The following GFOD1 variants were observed in gnomAD, a reference collection of about 807,000 sequenced individuals.
GFOD1 encodes Gfo/Idh/MocA-like oxidoreductase domain containing 1.
GFOD1 carries 9 observed loss-of-function variants against 25.4 expected under a neutral mutation model. The ratio of observed to expected loss-of-function variants is 0.35; its 90% confidence interval spans 0.21 to 0.62. GFOD1 has a LOEUF of 0.62. GFOD1 is among the 20% of genes least tolerant of loss of function. GFOD1 has a pLI of 0.72. For synonymous variants in GFOD1, 253 were observed against 245.6 expected (o/e 1.03, Z -0.28); for missense variants, 403 against 556.9 (o/e 0.72, Z 2.78).
chr6:13,402,826 G>T (rs1270531500), intron 1 of GFOD1, among the ~76,000 whole-genome samples: 1 of 152,050 alleles, frequency 6.6e-6, no homozygotes, highest in Non-Finnish European at 1.5e-5. Context: ...TCCAATCCTA[G>T]GTATATAGCC....
At position 13,469,345 on chromosome 6, in the gene GFOD1, A is replaced by G. The variant is rs908773857; in HGVS notation, c.253+17293T>C. ...ATAAGTTATAATCAACAGAGAAGTG[A>G]AGATCATGAAATAACATTTTCTCAA... On this transcript the variant is annotated intron_variant, in intron 1 of 1. Coordinates refer to ENST00000379287, the MANE Select transcript of GFOD1 (RefSeq NM_018988.4). The G allele has an allele frequency of 7.1e-6, 7 of 985,096 alleles. No homozygotes were observed. In the African/African-American group the frequency reaches 1.2e-4, roughly 17 times the overall value. 61.0% of individuals were successfully genotyped at this position (985,096 alleles called of 1,614,324 possible). A position where few individuals can be genotyped will look rare whatever the true frequency, so the allele number is the denominator to read the frequency against.
intron 1 of GFOD1, among the ~76,000 whole-genome samples, chr6:13,403,734 C>G (rs1479637758): frequency 2.0e-5 from 3 of 152,144 alleles, no homozygotes; most frequent in Non-Finnish European, 2.9e-5. Context: ...ATGGATGAAC[C>G]TTGAAAATAT....
intron 1 of GFOD1, among the ~76,000 whole-genome samples, chr6:13,447,144 A>G (rs1003782585): frequency 5.9e-5 from 9 of 152,230 alleles, no homozygotes; most frequent in Admixed American, 2.6e-4. Context: ...CTCAATAAAC[A>G]GAGTTATTGT....
chr6:13,444,833 C>G (rs9474212), intron 1 of GFOD1, among the ~76,000 whole-genome samples: 1 of 151,960 alleles, frequency 6.6e-6, no homozygotes, highest in Non-Finnish European at 1.5e-5. Context: ...GGCCTGGAAC[C>G]GCACCCACAA....
chr6:13,376,294 T>C (rs1019172860), intron 1 of GFOD1, among the ~76,000 whole-genome samples: 1 of 152,044 alleles, frequency 6.6e-6, no homozygotes, highest in East Asian at 1.9e-4. Context: ...CAGAGGAAAA[T>C]GGCCAGGACT....
chr6:13,476,454 G>A (rs1175275232), intron 1 of GFOD1, among the ~76,000 whole-genome samples: 6 of 152,206 alleles, frequency 3.9e-5, no homozygotes. Context: ...AGTGAGGATT[G>A]ACTGCAAATT....
chr6:13,470,881 T>A (rs138015016), intron 1 of GFOD1, among the ~76,000 whole-genome samples: 1 of 152,302 alleles, frequency 6.6e-6, no homozygotes, highest in East Asian at 1.9e-4. Context: ...CCCCACAAGC[T>A]GGAACTTAGC....
chr6:13,464,113 C>G, intron 1 of GFOD1, among the ~76,000 whole-genome samples: 1 of 152,202 alleles, frequency 6.6e-6, no homozygotes, highest in Middle Eastern at 3.2e-3. Flanking sequence ...CTCATTTTCC[C>G]CTTTCCCAAA....
chr6:13,372,610 G>A (rs1785173932), intron 1 of GFOD1, among the ~76,000 whole-genome samples: 1 of 152,126 alleles, frequency 6.6e-6, no homozygotes. Flanking sequence ...CACACCTCTA[G>A]GGAAAGATGG....
At position 13,372,339 on chromosome 6, in the gene GFOD1, T is replaced by C. The variant is rs189904361; in HGVS notation, c.254-6677A>G. Among the ~76,000 whole-genome samples, 193 of 152,258 alleles carry C rather than the reference T, an allele frequency of 1.3e-3. 1 individual carries two copies. The highest frequency in any genetic ancestry group is 4.4e-3 in the African/African-American group (184 of 41,544). ...ATGGGGAAATGGAAAATCAGCTCCC[T>C]CCGAAGCCTGCTGAATGTGTTCTCT... On this transcript the variant is annotated intron_variant, in intron 1 of 1. Transcript: ENST00000379287.
chr6:13,444,151 A>C (rs758742392), intron 1 of GFOD1, among the ~76,000 whole-genome samples: 8 of 152,234 alleles, frequency 5.3e-5, no homozygotes, highest in Non-Finnish European at 1.2e-4. Flanking sequence ...AATGGGGTAC[A>C]TAAACACCAT....
At chr6:13,390,780 A>AGGAAGGAAGGAAGGAAGGAAGGAAGG (rs1491481409) in intron 1 of GFOD1, among the ~76,000 whole-genome samples, 3 of 117,904 alleles carry the variant, frequency 2.5e-5, no homozygotes, top group Admixed American at 8.9e-5. Context: ...AGAGAGAGAG[A>AGGAAGGAAGGAAGGAAGGAAGGAAGG]AAGGAAGGAA....
At chr6:13,485,731 G>GC (rs1758849674) in intron 1 of GFOD1, among the ~76,000 whole-genome samples, 1 of 152,174 alleles carries the variant, frequency 6.6e-6, no homozygotes, top group Non-Finnish European at 1.5e-5. Flanking sequence ...CTCATCTCCA[G>GC]CCCACGGGTC....
At chr6:13,396,055 C>T (rs1430106384) in intron 1 of GFOD1, among the ~76,000 whole-genome samples, 2 of 152,194 alleles carry the variant, frequency 1.3e-5, no homozygotes, top group African/African-American at 2.4e-5. Flanking sequence ...GCCTGGGGAA[C>T]GCATTTACAT....
At chr6:13,463,969 CA>C (rs112032460) in intron 1 of GFOD1, among the ~76,000 whole-genome samples, 3,738 of 152,224 alleles carry the variant, frequency 0.025, 149 homozygotes, top group African/African-American at 0.082. Flanking sequence ...ACTGGCTTTA[CA>C]AACAACATAC....
At chr6:13,447,329 C>T (rs1758018801) in intron 1 of GFOD1, among the ~76,000 whole-genome samples, 1 of 152,162 alleles carries the variant, frequency 6.6e-6, no homozygotes, top group Non-Finnish European at 1.5e-5. Context: ...TGCTGGTGCT[C>T]TCTCTGTGTG....
At chr6:13,408,679 G>A (rs765094998) in intron 1 of GFOD1, among the ~76,000 whole-genome samples, 7 of 152,126 alleles carry the variant, frequency 4.6e-5, no homozygotes, top group African/African-American at 1.4e-4. Flanking sequence ...GTGCTCACCC[G>A]GGTAACACAG....
intron 1 of GFOD1, among the ~76,000 whole-genome samples, chr6:13,439,228 A>G (rs181513544): frequency 3.7e-4 from 41 of 110,874 alleles, no homozygotes; most frequent in Non-Finnish European, 6.9e-4. Context: ...ATCTAGGAAC[A>G]AACAACTGAA....
At chr6:13,378,445 G>A (rs570315) in intron 1 of GFOD1, among the ~76,000 whole-genome samples, 66,259 of 152,162 alleles carry the variant, frequency 0.44, 17,036 homozygotes, top group East Asian at 0.68. Context: ...AAAGCAAGAA[G>A]GGCTGGAGGC....
Sources: gnomAD v4.1 joint callset for allele counts (sites outside exome capture counted in the v4.1 genomes callset) on GRCh38, gnomAD v4.1.1 for gene constraint, MANE v1.5 for transcripts, NCBI Gene and HGNC (gene_info 2026-07-23, HGNC 2026-07-21) for gene names.